Variants in IQCH observed in about 807,000 individuals in gnomAD.
IQCH encodes IQ domain-containing protein H.
In IQCH, 98 loss-of-function variants were observed where a neutral mutation model predicts 117.0. That is an observed-to-expected ratio of 0.84 (90% CI 0.71 to 0.99). The LOEUF is 0.99. IQCH is among the 50% of genes least tolerant of loss of function. The probability of loss-of-function intolerance (pLI) is 0.00; values close to 1 mark genes in which losing one functional copy is unlikely to be tolerated. For missense variants in IQCH, 1,102 were observed against 1,243.8 expected (o/e 0.89, Z 1.72); for synonymous variants, 412 against 448.2 (o/e 0.92, Z 1.02).
At chr15:67,452,988 C>A (rs529282401) in intron 16 of IQCH, among the ~76,000 whole-genome samples, 2 of 152,206 alleles carry the variant, frequency 1.3e-5, no homozygotes, top group African/African-American at 2.4e-5. Flanking sequence ...TCTTCTATCA[C>A]TGATACCCTT....
At chr15:67,269,651 C>T (rs1348401677) in intron 3 of IQCH, among the ~76,000 whole-genome samples, 2 of 151,982 alleles carry the variant, frequency 1.3e-5, no homozygotes, top group African/African-American at 2.4e-5. Flanking sequence ...TCCCTCTCCT[C>T]CTTGCCTCTG....
intron 4 of IQCH, among the ~76,000 whole-genome samples, chr15:67,321,350 T>A (rs1323611928): frequency 2.6e-5 from 4 of 152,210 alleles, no homozygotes; most frequent in Non-Finnish European, 4.4e-5. Context: ...CTGCTGCTGC[T>A]AGAACTACCC....
chr15:67,473,275 C>T lies in IQCH; in HGVS notation c.2677-2421C>T, dbSNP rs188700122. On this transcript the variant is annotated intron_variant, in intron 17 of 20. Transcript: ENST00000335894. The surrounding 1 kb of genome is among the most constrained non-coding windows in gnomAD (Gnocchi z 4.9). Reference sequence around the variant, plus strand: ...GGGCTTTTCAGTGTGAAGGTGAGAGCATGGCCAGCCCAGTATGGCAGGGCG... The same window carrying T: ...GGGCTTTTCAGTGTGAAGGTGAGAGTATGGCCAGCCCAGTATGGCAGGGCG... Among the ~76,000 whole-genome samples the T allele has an allele frequency of 1.1e-3, 174 of 152,362 alleles. No homozygotes were observed. The highest frequency in any genetic ancestry group is 4.0e-3 in the African/African-American group (168 of 41,592).
chr15:67,458,594 G>T lies in IQCH; in HGVS notation c.2506-6533G>T, dbSNP rs1332698842. On this transcript the variant is annotated intron_variant, in intron 16 of 20. Coordinates refer to ENST00000335894, the MANE Select transcript of IQCH (RefSeq NM_001031715.3). This position sits in a 1 kb window ranked among gnomAD's most constrained non-coding sequence, Gnocchi z 4.1. The stretch of plus-strand genomic sequence containing the variant: ...CTCCAGTGCATTCCCAGCCTCCACA[G>T]CTGTAAAAAGGAAATAAGCCCTTGG... Among the ~76,000 whole-genome samples, 1 of 152,202 alleles carries T rather than the reference G, an allele frequency of 6.6e-6. No homozygotes were observed. Among genetic ancestry groups the T allele is most frequent in the African/African-American group, 2.4e-5 (1 of 41,450 alleles).
chr15:67,346,727 G>A (rs916788809), intron 6 of IQCH, among the ~76,000 whole-genome samples: 11 of 152,054 alleles, frequency 7.2e-5, no homozygotes, highest in African/African-American at 2.7e-4. Flanking sequence ...CCATTATAGA[G>A]CATTAAAACA....
In IQCH at chr15:67,279,491, G is replaced by T. The variant is rs1252962572; in HGVS notation, c.366G>T (p.Leu122=). Reference sequence around the variant, plus strand: ...CCCAAAGACAGCACAGTTCATCTCTGCCTGTCTTTCCAAGAGCAAAGGTAG... The same window carrying T: ...CCCAAAGACAGCACAGTTCATCTCTTCCTGTCTTTCCAAGAGCAAAGGTAG... ...WQPQRQHSSS[L]PVFPRAKIKV... is the part of the protein sequence containing the mutation. Residue 122 remains leucine (L), a synonymous_variant, in exon 4 of 21, where the codon CTG becomes CTT. Transcript: ENST00000335894. 1 of 1,597,202 alleles carries T rather than the reference G, an allele frequency of 6.3e-7. No homozygotes were observed. Among genetic ancestry groups the T allele is most frequent in the East Asian group, 2.3e-5 (1 of 44,422 alleles).
chr15:67,256,917 T>C (rs1965241912), intron 1 of IQCH, among the ~76,000 whole-genome samples: 1 of 152,184 alleles, frequency 6.6e-6, no homozygotes, highest in Non-Finnish European at 1.5e-5. Flanking sequence ...GTAGAATATG[T>C]ATAGTGAGGA....
chr15:67,269,794 G>A (rs1965826736), intron 3 of IQCH, among the ~76,000 whole-genome samples: 1 of 151,770 alleles, frequency 6.6e-6, no homozygotes, highest in African/African-American at 2.4e-5. Flanking sequence ...TTCCATCCAT[G>A]TTGCTGTGAA....
chr15:67,420,350 C>T (rs986565829), intron 15 of IQCH, among the ~76,000 whole-genome samples: 5 of 152,176 alleles, frequency 3.3e-5, no homozygotes, highest in African/African-American at 1.2e-4. Flanking sequence ...AGAGGTCACA[C>T]TTCTCCCAGC....
At chr15:67,336,311 A>G (rs28571147) in intron 4 of IQCH, among the ~76,000 whole-genome samples, 43,731 of 152,018 alleles carry the variant, frequency 0.29, 6,387 homozygotes, top group South Asian at 0.37. Flanking sequence ...CCTACGATAA[A>G]GGTAAAAATA....
At chr15:67,309,044 C>A (rs1967454460) in intron 4 of IQCH, among the ~76,000 whole-genome samples, 1 of 152,056 alleles carries the variant, frequency 6.6e-6, no homozygotes. Flanking sequence ...GGTCAGACTG[C>A]CTGGTGTGAA....
intron 4 of IQCH, among the ~76,000 whole-genome samples, chr15:67,281,017 T>C (rs934218936): frequency 4.6e-5 from 7 of 152,074 alleles, no homozygotes; most frequent in Admixed American, 6.5e-5. Context: ...GGCTAATTTT[T>C]ATATTTTTAG....
chr15:67,441,145 A>G (rs1487083969), intron 16 of IQCH, among the ~76,000 whole-genome samples: 2 of 137,478 alleles, frequency 1.5e-5, no homozygotes, highest in Non-Finnish European at 3.1e-5. Context: ...AAAAAAAAAA[A>G]AAAAAAAAGA....
In IQCH at chr15:67,403,730, G is replaced by C. The variant is rs1971765323; in HGVS notation, c.2097+3425G>C. 1 of 152,212 alleles carries C rather than the reference G, an allele frequency of 6.6e-6. No homozygotes were observed. Among genetic ancestry groups the C allele is most frequent in the African/African-American group, 2.4e-5 (1 of 41,456 alleles). 9.4% of individuals were successfully genotyped at this position (152,212 alleles called of 1,614,324 possible). On this transcript the variant is annotated intron_variant, in intron 14 of 20. Transcript: ENST00000335894. The surrounding 1 kb of genome is among the most constrained non-coding windows in gnomAD (Gnocchi z 4.8). ...TTCCTGGGTAAGCTCACCTAAGACAGTTTAGGGAGACCCAGGCAGACATTT... is the reference window on the plus strand; with the variant it reads ...TTCCTGGGTAAGCTCACCTAAGACACTTTAGGGAGACCCAGGCAGACATTT...
chr15:67,371,470 C>T (rs1970529259), intron 8 of IQCH: 1 of 1,571,854 alleles, frequency 6.4e-7, no homozygotes, highest in Non-Finnish European at 8.6e-7. Flanking sequence ...AGATATGTTC[C>T]TAAGAAGAAA....
In IQCH at chr15:67,372,159, T is replaced by G; in HGVS notation, c.802T>G (p.Tyr268Asp). The G allele has an allele frequency of 6.2e-7, 1 of 1,613,734 alleles. No individual in the cohort carries two copies. The change falls in exon 9 of 21, where the codon TAT becomes GAT. Residue 268 changes from tyrosine (Y) to aspartate (D), a missense_variant. Coordinates refer to ENST00000335894, the MANE Select transcript of IQCH (RefSeq NM_001031715.3). Reference protein sequence around the residue: ...PLRALKSLWDYDFLIYDGVID... With the variant: ...PLRALKSLWDDDFLIYDGVID... ...GAGAGCCCTGAAATCACTGTGGGAT[T>G]ATGACTTTTTAATTTATGATGGTGT...
rs2083179716 is a variant in IQCH at position 67,475,442 on chromosome 15, C to T, written c.2677-254C>T. ...GCAGTGAGCCCAGATTGTGCCACTG[C>T]ACTCCAGCCTGGGTGACAAAGTGAG... On this transcript the variant is annotated intron_variant, in intron 17 of 20. Coordinates refer to ENST00000335894, the MANE Select transcript of IQCH (RefSeq NM_001031715.3). The surrounding 1 kb of genome is among the most constrained non-coding windows in gnomAD (Gnocchi z 5.7). Among the ~76,000 whole-genome samples, 2 of 152,114 alleles carry T rather than the reference C, an allele frequency of 1.3e-5. No homozygotes were observed. The highest frequency in any genetic ancestry group is 4.8e-5 in the African/African-American group (2 of 41,424).
intron 1 of IQCH, 82 bp downstream of exon 1, chr15:67,255,029 C>T: frequency 5.8e-6 from 8 of 1,369,094 alleles, no homozygotes; most frequent in Non-Finnish European, 8.2e-6. Flanking sequence ...TTCACCGACG[C>T]TCACCCATTT....
In IQCH at chr15:67,494,212, T is replaced by C; in HGVS notation, c.2862-46T>C. 7.2e-7 allele frequency: 1 copy of C among 1,390,666 alleles called. No homozygotes were observed. Among genetic ancestry groups the C allele is most frequent in the Non-Finnish European group, 9.9e-7 (1 of 1,008,200 alleles). The allele number at this position is 1,390,666 out of a possible 1,614,324, so 86.1% of individuals were successfully genotyped here. A position where few individuals can be genotyped will look rare whatever the true frequency, so the allele number is the denominator to read the frequency against. ...GAGAGGGCGATTGTTTTTAAGCATGTGAAGGGAATCGTTGGTAAACTCATT... is the reference window on the plus strand; with the variant it reads ...GAGAGGGCGATTGTTTTTAAGCATGCGAAGGGAATCGTTGGTAAACTCATT... On this transcript the variant is annotated intron_variant, in intron 19 of 20. Coordinates refer to ENST00000335894, the MANE Select transcript of IQCH (RefSeq NM_001031715.3). This position sits in a 1 kb window ranked among gnomAD's most constrained non-coding sequence, Gnocchi z 5.5.
Sources: gnomAD v4.1 joint callset for allele counts (sites outside exome capture counted in the v4.1 genomes callset) on GRCh38, gnomAD v4.1.1 for gene constraint, Gnocchi (gnomAD v3.1) non-coding constraint, MANE v1.5 for transcripts, NCBI Gene and HGNC (gene_info 2026-07-23, HGNC 2026-07-21) for gene names.